MOB1B: variants seen among roughly 807,000 people sequenced by gnomAD.
MOB1B encodes MOB kinase activator 1B, also known as MOB1 Mps One Binder homolog B.
Under a neutral mutation model 24.4 loss-of-function variants are expected in MOB1B, and 19 were observed. The ratio of observed to expected loss-of-function variants is 0.78; its 90% confidence interval spans 0.54 to 1.14. MOB1B has a LOEUF of 1.14. Among genes scored for constraint, MOB1B ranks in the 50% most tolerant of loss-of-function variants. The probability of loss-of-function intolerance (pLI) is 0.00; values close to 1 mark genes in which losing one functional copy is unlikely to be tolerated. For synonymous variants in MOB1B, 76 were observed against 82.1 expected (o/e 0.93, Z 0.40); for missense variants, 243 against 259.6 (o/e 0.94, Z 0.44).
intron 1 of MOB1B, among the ~76,000 whole-genome samples, chr4:70,917,648 G>C (rs1736248858): frequency 6.6e-6 from 1 of 152,096 alleles, no homozygotes; most frequent in South Asian, 2.1e-4. Flanking sequence ...GTCTTTACCT[G>C]GTAAAAATAC....
chr4:70,910,951 C>G (rs1735959196), intron 1 of MOB1B, among the ~76,000 whole-genome samples: 1 of 152,098 alleles, frequency 6.6e-6, no homozygotes, highest in South Asian at 2.1e-4. Context: ...CCACGCCTGG[C>G]TAATTTTTGT....
At chr4:70,965,479 A>C (rs1385542927) in intron 2 of MOB1B, among the ~76,000 whole-genome samples, 1 of 151,250 alleles carries the variant, frequency 6.6e-6, no homozygotes, top group African/African-American at 2.4e-5. Context: ...AAGTAAATAC[A>C]TACCAGATCT....
chr4:70,965,396 AAAT>A (rs763112797), intron 2 of MOB1B, among the ~76,000 whole-genome samples: 2 of 149,970 alleles, frequency 1.3e-5, no homozygotes, highest in African/African-American at 2.4e-5. Flanking sequence ...AATATTTTAA[AAAT>A]AATATTAATT....
chr4:70,902,413 G>T lies in MOB1B; in HGVS notation c.-124G>T. The T allele has an allele frequency of 2.8e-6, 3 of 1,057,582 alleles. No homozygotes were observed. The highest frequency in any genetic ancestry group is 4.3e-6 in the Non-Finnish European group (3 of 699,942). The allele number at this position is 1,057,582 out of a possible 1,614,324, so 65.5% of individuals were successfully genotyped here. On this transcript the variant is annotated 5_prime_UTR_variant, in exon 1 of 6. Transcript: ENST00000309395. ...AACTAGTTGCGGCCACCGAGCAGCC[G>T]GCTCTCGGCACCTCCTCCTCCGCCT...
At chr4:70,951,057 T>G (rs946013447) in intron 1 of MOB1B, among the ~76,000 whole-genome samples, 2 of 152,200 alleles carry the variant, frequency 1.3e-5, no homozygotes, top group African/African-American at 4.8e-5. Context: ...ATCATTTATT[T>G]TACAATCATT....
At chr4:70,914,158 A>G (rs1046755168) in intron 1 of MOB1B, among the ~76,000 whole-genome samples, 1 of 152,210 alleles carries the variant, frequency 6.6e-6, no homozygotes, top group African/African-American at 2.4e-5. Context: ...GCCATTTACG[A>G]GGGCTTCACC....
At position 70,986,679 on chromosome 4, in the gene MOB1B, T is replaced by C. The variant is rs1739392252; in HGVS notation, c.*4622T>C. On this transcript the variant is annotated 3_prime_UTR_variant, in exon 6 of 6. Transcript: ENST00000309395. Reference sequence around the variant, plus strand: ...CTTAAATATCAGAGTTTTGTTGTAATATTAAAATTTACCGTGGAAATCACT... The same window carrying C: ...CTTAAATATCAGAGTTTTGTTGTAACATTAAAATTTACCGTGGAAATCACT... 1 of 152,166 alleles carries C rather than the reference T, an allele frequency of 6.6e-6. No individual in the cohort carries two copies. The highest frequency in any genetic ancestry group is 1.5e-5 in the Non-Finnish European group (1 of 67,982). 9.4% of individuals were successfully genotyped at this position (152,166 alleles called of 1,614,324 possible).
At chr4:70,950,142 G>T (rs1190237640) in intron 1 of MOB1B, among the ~76,000 whole-genome samples, 1 of 152,034 alleles carries the variant, frequency 6.6e-6, no homozygotes, top group Non-Finnish European at 1.5e-5. Flanking sequence ...GTGGGTAAAA[G>T]TATGGGCTTT....
Position 70,985,121 on chromosome 4 carries a change from A to G in MOB1B, c.*3064A>G, listed in dbSNP as rs1219602221. On this transcript the variant is annotated 3_prime_UTR_variant, in exon 6 of 6. Transcript: ENST00000309395. ...TGATGTGGATATTTATATATTACATATATAACCACCAGACTCCATTTTATA... is the reference window on the plus strand; with the variant it reads ...TGATGTGGATATTTATATATTACATGTATAACCACCAGACTCCATTTTATA... 3.9e-5 allele frequency: 6 copies of G among 152,214 alleles called. No individual in the cohort carries two copies. The highest frequency in any genetic ancestry group is 7.3e-5 in the Non-Finnish European group (5 of 68,040). 9.4% of individuals were successfully genotyped at this position (152,214 alleles called of 1,614,324 possible). A position where few individuals can be genotyped will look rare whatever the true frequency, so the allele number is the denominator to read the frequency against.
At chr4:70,912,094 A>T (rs1306017027) in intron 1 of MOB1B, among the ~76,000 whole-genome samples, 1 of 151,900 alleles carries the variant, frequency 6.6e-6, no homozygotes, top group Non-Finnish European at 1.5e-5. Context: ...ACAGGGTTTC[A>T]CCATGTAGGC....
chr4:70,970,249 A>G (rs1296523000), intron 3 of MOB1B, among the ~76,000 whole-genome samples: 1 of 152,042 alleles, frequency 6.6e-6, no homozygotes, highest in East Asian at 1.9e-4. Flanking sequence ...GATTACTGGA[A>G]ATACCTTGCT....
chr4:70,959,020 A>G lies in MOB1B; in HGVS notation c.161A>G (p.Asn54Ser), dbSNP rs146589415. 15 of 1,613,912 alleles carry G rather than the reference A, an allele frequency of 9.3e-6. No homozygotes were observed. The highest frequency in any genetic ancestry group is 6.7e-5 in the African/African-American group (5 of 75,014). Reference sequence around the variant, plus strand: ...ATGCTTCCTGAAGGGGAAGATCTCAATGAATGGGTTGCAGTTAACAGTAAG... The same window carrying G: ...ATGCTTCCTGAAGGGGAAGATCTCAGTGAATGGGTTGCAGTTAACAGTAAG... ...AVMLPEGEDL[N>S]EWVAVNTVDF... The change falls in exon 2 of 6, where the codon AAT (asparagine) becomes AGT (serine). Residue 54 changes from asparagine (N) to serine (S), a missense_variant. Coordinates refer to ENST00000309395, the MANE Select transcript of MOB1B (RefSeq NM_173468.4).
Position 70,979,207 on chromosome 4 carries a change from T to G in MOB1B, c.489T>G (p.Tyr163Ter). 6.2e-7 allele frequency: 1 copy of G among 1,613,738 alleles called. No homozygotes were observed. The highest frequency in any genetic ancestry group is 8.5e-7 in the Non-Finnish European group (1 of 1,179,656). Residue 163 changes from tyrosine to a stop codon, truncating the protein, a stop_gained, in exon 5 of 6, where the codon TAT becomes TAG. Transcript: ENST00000309395. LOFTEE classifies it high-confidence loss of function. ...KRLFRVYAHI[Y>*]HQHFDPVIQL... Reference sequence around the variant, plus strand: ...TCTTTAGGGTTTATGCTCACATTTATCATCAGCATTTTGACCCTGTGATCC... The same window carrying G: ...TCTTTAGGGTTTATGCTCACATTTAGCATCAGCATTTTGACCCTGTGATCC...
intron 1 of MOB1B, among the ~76,000 whole-genome samples, chr4:70,915,714 C>T (rs28892406): frequency 4.0e-5 from 6 of 151,148 alleles, no homozygotes; most frequent in East Asian, 3.9e-4. Context: ...TCTTTATGGG[C>T]GGCAGAGGGG....
chr4:70,980,161 C>T (rs2148904949), intron 5 of MOB1B, among the ~76,000 whole-genome samples: 1 of 152,338 alleles, frequency 6.6e-6, no homozygotes, highest in South Asian at 2.1e-4. Context: ...CCCCTGTACA[C>T]ACTCCTCACA....
intron 2 of MOB1B, among the ~76,000 whole-genome samples, chr4:70,962,467 G>A (rs1021062075): frequency 3.3e-5 from 5 of 152,126 alleles, no homozygotes; most frequent in Non-Finnish European, 5.9e-5. Context: ...TCAACAAATA[G>A]TGGTGAAACA....
intron 1 of MOB1B, among the ~76,000 whole-genome samples, chr4:70,936,163 T>A (rs958791033): frequency 2.6e-5 from 4 of 151,940 alleles, no homozygotes; most frequent in African/African-American, 9.7e-5. Flanking sequence ...TACACTAATT[T>A]TTGTATTTTT....
At chr4:70,972,104 G>A (rs547717749) in intron 3 of MOB1B, among the ~76,000 whole-genome samples, 12 of 152,082 alleles carry the variant, frequency 7.9e-5, no homozygotes, top group African/African-American at 2.4e-4. Flanking sequence ...AGCAGATGCA[G>A]GATTGTGCCT....
intron 1 of MOB1B, among the ~76,000 whole-genome samples, chr4:70,918,953 A>G (rs1239866109): frequency 1.3e-5 from 2 of 152,134 alleles, no homozygotes; most frequent in East Asian, 3.8e-4. Context: ...TGTGGCACAT[A>G]TACACCATGG....
Sources: allele counts gnomAD v4.1 joint callset (sites outside exome capture counted in the v4.1 genomes callset), GRCh38; gene constraint gnomAD v4.1.1; transcripts MANE v1.5; gene names NCBI Gene and HGNC (gene_info 2026-07-23, HGNC 2026-07-21).